The following FAM167A variants were observed in gnomAD, a reference collection of about 807,000 sequenced individuals.
FAM167A encodes the protein protein FAM167A.
In FAM167A, 23 loss-of-function variants were observed where a neutral mutation model predicts 14.9. The ratio of observed to expected loss-of-function variants is 1.55; its 90% CI spans 1.11 to 2.19. The LOEUF (loss-of-function observed/expected upper bound fraction) is 2.19, where lower values mean the gene tolerates loss of function less well. Among genes scored for constraint, FAM167A ranks in the 30% most tolerant of loss-of-function variants. The probability of loss-of-function intolerance (pLI) is 0.00; values close to 1 mark genes in which losing one functional copy is unlikely to be tolerated. For synonymous variants in FAM167A, 174 were observed against 117.7 expected (o/e 1.48, Z -3.10); for missense variants, 401 against 281.5 (o/e 1.42, Z -3.04).
At chr8:11,472,025 G>T (rs1306638948), upstream of FAM167A, among the ~76,000 whole-genome samples, 1 of 152,236 alleles carries the variant, frequency 6.6e-6, no homozygotes, top group Non-Finnish European at 1.5e-5. Flanking sequence ...AGGCATATTT[G>T]TCAAGGCAGG....
Position 11,439,433 on chromosome 8 carries a change from C to T in FAM167A, c.381+4598G>A, listed in dbSNP as rs544785045. ...TCTTGTGCATACCAAGCAGGCAGCA[C>T]AGGCAACAGAGGGTTAACAGGGAGA... On this transcript the variant is annotated intron_variant, in intron 2 of 2. Coordinates refer to ENST00000284486, the MANE Select transcript of FAM167A (RefSeq NM_053279.3). 1.2e-4 allele frequency among the ~76,000 whole-genome samples: 19 copies of T among 152,382 alleles called. No individual in the cohort carries two copies. In the South Asian group the frequency reaches 3.7e-3, roughly 30 times the overall value.
chr8:11,446,935 A>G lies in FAM167A; in HGVS notation c.-397-2127T>C, dbSNP rs551646022. Among the ~76,000 whole-genome samples the G allele has an allele frequency of 5.3e-5, 8 of 152,280 alleles. No individual in the cohort carries two copies. The East Asian group carries it at 1.5e-3, about 29-fold the overall frequency. ...GGGGAGCTCTGATTAGATCCATCAA[A>G]GCTTCCTGGAGAGGATTCAACTGCA... is the stretch of plus-strand genomic sequence containing the variant. On this transcript the variant is annotated intron_variant, in intron 1 of 2. Coordinates refer to ENST00000284486, the MANE Select transcript of FAM167A (RefSeq NM_053279.3).
chr8:11,458,332 A>C (rs1265822516), intron 1 of FAM167A, among the ~76,000 whole-genome samples: 2 of 152,148 alleles, frequency 1.3e-5, no homozygotes, highest in African/African-American at 4.8e-5. Context: ...CTTGGATCTG[A>C]GCACTTTCCT....
chr8:11,439,611 G>T (rs977798452), intron 2 of FAM167A, among the ~76,000 whole-genome samples: 2 of 152,216 alleles, frequency 1.3e-5, no homozygotes, highest in African/African-American at 2.4e-5. Flanking sequence ...GGTGCGGGGG[G>T]AGGGAGGAGA....
intron 1 of FAM167A, among the ~76,000 whole-genome samples, chr8:11,447,189 C>CTTTTTTTTT (rs777048119): frequency 1.4e-5 from 2 of 147,850 alleles, no homozygotes; most frequent in South Asian, 2.1e-4. Flanking sequence ...TTTTCTTTTT[C>CTTTTTTTTT]TTTTTTTTGA....
rs755649418 is a variant in FAM167A, at chr8:11,424,347, G to T, written c.*26C>A. 2 of 1,611,726 alleles carry T rather than the reference G, an allele frequency of 1.2e-6. No homozygotes were observed. Among genetic ancestry groups the T allele is most frequent in the African/African-American group, 1.3e-5 (1 of 74,972 alleles). ...CCTCCAGCCCAAGCCCTCCGCTCCAGCCCCTCCGCCCAGTCTGAGGGCTCC... is the reference window on the plus strand; with the variant it reads ...CCTCCAGCCCAAGCCCTCCGCTCCATCCCCTCCGCCCAGTCTGAGGGCTCC... On this transcript the variant is annotated 3_prime_UTR_variant, in exon 3 of 3. Transcript: ENST00000284486.
At chr8:11,438,181 G>C (rs1223553472) in intron 2 of FAM167A, 3 of 454,772 alleles carry the variant, frequency 6.6e-6, no homozygotes, top group Non-Finnish European at 1.3e-5. Context: ...GCCTCTCTCA[G>C]CCCCGGAATC....
intron 2 of FAM167A, chr8:11,438,566 GAT>G (rs1563369934): frequency 2.2e-6 from 1 of 444,724 alleles, no homozygotes; most frequent in Non-Finnish European, 4.5e-6. Context: ...GATTATACAT[GAT>G]ATATTCCTAT....
At chr8:11,469,192 T>TG (rs113892485), upstream of FAM167A, among the ~76,000 whole-genome samples, 21,437 of 152,220 alleles carry the variant, frequency 0.14, 2,011 homozygotes, top group Non-Finnish European at 0.22. Flanking sequence ...TATGTATGCA[T>TG]GGAAAAAAGA....
intron 2 of FAM167A, chr8:11,438,507 GGT>G (rs1381268699): frequency 6.1e-5 from 28 of 457,212 alleles, no homozygotes; most frequent in African/African-American, 5.4e-4. Context: ...AGAAGAGCCT[GGT>G]GCTAGCACTT....
chr8:11,449,138 G>T (rs1271512212), intron 1 of FAM167A, among the ~76,000 whole-genome samples: 4 of 152,264 alleles, frequency 2.6e-5, no homozygotes, highest in Non-Finnish European at 1.5e-5. Context: ...GCGAGGAGTT[G>T]CTCAAGCAGC....
chr8:11,440,697 G>C (rs1246361506), intron 2 of FAM167A, among the ~76,000 whole-genome samples: 1 of 152,234 alleles, frequency 6.6e-6, no homozygotes, highest in Non-Finnish European at 1.5e-5. Context: ...GGGAATTACA[G>C]ATTTCTAATC....
intron 2 of FAM167A, among the ~76,000 whole-genome samples, chr8:11,426,994 C>T (rs894267420): frequency 6.6e-6 from 1 of 152,180 alleles, no homozygotes; most frequent in Admixed American, 6.5e-5. Flanking sequence ...TGAAATTCAA[C>T]AGAACTGTTT....
chr8:11,459,419 C>G (rs1563389835), intron 1 of FAM167A, among the ~76,000 whole-genome samples: 1 of 152,234 alleles, frequency 6.6e-6, no homozygotes, highest in Non-Finnish European at 1.5e-5. Context: ...CTAGAAACCT[C>G]AGGGGCAAAT....
intron 1 of FAM167A, 35 bp from the exon 2 acceptor site, chr8:11,444,843 C>G: frequency 1.0e-6 from 1 of 992,268 alleles, no homozygotes; most frequent in Non-Finnish European, 1.2e-6. Context: ...CAGTCCCGAT[C>G]CCTGCCCTGC....
In FAM167A at chr8:11,439,375, T is replaced by G. The variant is rs573536677; in HGVS notation, c.381+4656A>C. On this transcript the variant is annotated intron_variant, in intron 2 of 2. Coordinates refer to ENST00000284486, the MANE Select transcript of FAM167A (RefSeq NM_053279.3). ...CTGCTTAGCACACATGGATGACACC[T>G]GCCTCAGAGGGCTGTCCCCTGACAT... Among the ~76,000 whole-genome samples the G allele has an allele frequency of 3.9e-5, 6 of 152,362 alleles. No individual in the cohort carries two copies. In the South Asian group the frequency reaches 1.0e-3, roughly 26 times the overall value.
At position 11,423,790 on chromosome 8, in the gene FAM167A, G is replaced by A. The variant is rs1333076018; in HGVS notation, c.*583C>T. Reference sequence around the variant, plus strand: ...TAGTGTCAGGCTCACCAGAGACACTGGCTGCCAGCCACTGGGGCTGCGTCC... The same window carrying A: ...TAGTGTCAGGCTCACCAGAGACACTAGCTGCCAGCCACTGGGGCTGCGTCC... On this transcript the variant is annotated 3_prime_UTR_variant, in exon 3 of 3. Transcript: ENST00000284486. 2 of 158,752 alleles carry A rather than the reference G, an allele frequency of 1.3e-5. No individual in the cohort carries two copies. Among genetic ancestry groups the A allele is most frequent in the Non-Finnish European group, 2.8e-5 (2 of 71,664 alleles). The allele number at this position is 158,752 out of a possible 1,614,324, so 9.8% of individuals were successfully genotyped here.
intron 2 of FAM167A, 77 bp from the exon 3 acceptor site, chr8:11,424,713 C>T (rs577482093): frequency 3.0e-5 from 46 of 1,553,014 alleles, no homozygotes; most frequent in Non-Finnish European, 4.0e-5. Flanking sequence ...GTTAGCAGGG[C>T]CCTGACTAAT....
intron 2 of FAM167A, among the ~76,000 whole-genome samples, chr8:11,439,350 C>T (rs988490725): frequency 6.6e-6 from 1 of 152,254 alleles, no homozygotes; most frequent in Non-Finnish European, 1.5e-5. Flanking sequence ...TTTGGCCACA[C>T]TGCTTAGCAC....
Sources: allele counts gnomAD v4.1 joint callset (sites outside exome capture counted in the v4.1 genomes callset), GRCh38; gene constraint gnomAD v4.1.1; transcripts MANE v1.5; gene names NCBI Gene and HGNC (gene_info 2026-07-23, HGNC 2026-07-21).